The following RALGAPA1 variants were observed in gnomAD, a reference collection of about 807,000 sequenced individuals.
RALGAPA1 encodes ral GTPase-activating protein subunit alpha-1.
RALGAPA1 carries 52 observed loss-of-function variants against 269.6 expected under a neutral mutation model. The observed-to-expected ratio is 0.19, with a 90% CI of 0.15 to 0.24. RALGAPA1 has a LOEUF of 0.24. Among genes scored for constraint, RALGAPA1 ranks in the 10% least tolerant of loss-of-function variants. The pLI is 1.00. For missense variants in RALGAPA1, 1,917 were observed against 3,013.9 expected (o/e 0.64, Z 8.52); for synonymous variants, 817 against 1,008.3 (o/e 0.81, Z 3.60).
intron 16 of RALGAPA1, 80 bp downstream of exon 16, chr14:35,721,608 A>G: frequency 1.5e-6 from 2 of 1,290,780 alleles, no homozygotes; most frequent in Non-Finnish European, 2.1e-6. Flanking sequence ...GGTAAGAAAA[A>G]TTTATATTGA....
chr14:35,598,010 A>G (rs2059027647), intron 36 of RALGAPA1, among the ~76,000 whole-genome samples: 1 of 152,132 alleles, frequency 6.6e-6, no homozygotes, highest in South Asian at 2.1e-4. Flanking sequence ...GTTGGGTGGA[A>G]TATTTTACAT....
chr14:35,656,642 C>T (rs916006908), intron 28 of RALGAPA1, among the ~76,000 whole-genome samples: 8 of 152,030 alleles, frequency 5.3e-5, no homozygotes, highest in Non-Finnish European at 7.4e-5. Flanking sequence ...TGCCATGTCC[C>T]GATACTGATA....
At chr14:35,794,520 A>C (rs1317546510) in intron 1 of RALGAPA1, among the ~76,000 whole-genome samples, 3 of 152,066 alleles carry the variant, frequency 2.0e-5, no homozygotes, top group Non-Finnish European at 4.4e-5. Flanking sequence ...GCAGTGGCGC[A>C]GTCTCGGCTC....
intron 28 of RALGAPA1, among the ~76,000 whole-genome samples, chr14:35,657,638 A>G (rs2063275497): frequency 6.6e-6 from 1 of 151,472 alleles, no homozygotes; most frequent in Non-Finnish European, 1.5e-5. Context: ...CTAGACAGCT[A>G]CGTTTTAGGC....
At chr14:35,665,390 A>G (rs980206027) in intron 26 of RALGAPA1, among the ~76,000 whole-genome samples, 3 of 152,200 alleles carry the variant, frequency 2.0e-5, no homozygotes, top group African/African-American at 7.2e-5. Flanking sequence ...GCCTTCTTAC[A>G]TGCCCACCAA....
At chr14:35,668,135 G>A (rs749376067) in intron 26 of RALGAPA1, among the ~76,000 whole-genome samples, 2 of 152,062 alleles carry the variant, frequency 1.3e-5, no homozygotes, top group Non-Finnish European at 2.9e-5. Flanking sequence ...GGTTACCAGA[G>A]GCCCGGAAGC....
At chr14:35,777,053 T>C (rs190606218) in intron 1 of RALGAPA1, among the ~76,000 whole-genome samples, 73 of 152,296 alleles carry the variant, frequency 4.8e-4, no homozygotes, top group African/African-American at 1.7e-3. Context: ...CCTAGAAATA[T>C]AATGCAAGCC....
At chr14:35,717,101 T>C (rs891516161) in intron 16 of RALGAPA1, among the ~76,000 whole-genome samples, 2 of 152,204 alleles carry the variant, frequency 1.3e-5, no homozygotes, top group African/African-American at 2.4e-5. Context: ...ACTTAACCTA[T>C]AGATATACTT....
chr14:35,684,862 C>T (rs780795820), intron 20 of RALGAPA1, 67 bp downstream of exon 20: 293 of 1,483,940 alleles, frequency 2.0e-4, no homozygotes, highest in East Asian at 4.7e-4. Flanking sequence ...CTACATAATC[C>T]GTAAGTCAGT....
At chr14:35,590,634 A>C (rs1385873893) in intron 37 of RALGAPA1, among the ~76,000 whole-genome samples, 1 of 152,202 alleles carries the variant, frequency 6.6e-6, no homozygotes, top group East Asian at 1.9e-4. Context: ...AGCCCTCCCC[A>C]GCCATATGGA....
intron 10 of RALGAPA1, among the ~76,000 whole-genome samples, chr14:35,747,866 T>C (rs1431967154): frequency 1.3e-5 from 2 of 152,188 alleles, no homozygotes; most frequent in East Asian, 3.8e-4. Flanking sequence ...AGCTGTTTCA[T>C]GTGAAATAGC....
intron 39 of RALGAPA1, 76 bp from the exon 40 acceptor site, chr14:35,549,310 T>C (rs1377891137): frequency 2.8e-6 from 4 of 1,452,646 alleles, no homozygotes; most frequent in African/African-American, 2.8e-5. Context: ...AGGACTGCTA[T>C]GATTGCTAAG....
chr14:35,771,870 T>C (rs1422128800), intron 3 of RALGAPA1, among the ~76,000 whole-genome samples: 5 of 152,224 alleles, frequency 3.3e-5, no homozygotes, highest in Non-Finnish European at 7.3e-5. Context: ...ATATCACTGA[T>C]GAGTTTCAAT....
intron 37 of RALGAPA1, among the ~76,000 whole-genome samples, chr14:35,580,917 A>C (rs1481667388): frequency 1.3e-5 from 2 of 152,108 alleles, no homozygotes; most frequent in African/African-American, 4.8e-5. Flanking sequence ...TACTTCCTCC[A>C]ATATTACACT....
At chr14:35,560,663 ATG>A (rs2056125296) in intron 39 of RALGAPA1, among the ~76,000 whole-genome samples, 1 of 152,184 alleles carries the variant, frequency 6.6e-6, no homozygotes, top group South Asian at 2.1e-4. Flanking sequence ...AATTAAAACA[ATG>A]TTAACAGAAA....
At chr14:35,750,894 G>A (rs2072621628) in intron 8 of RALGAPA1, among the ~76,000 whole-genome samples, 1 of 152,088 alleles carries the variant, frequency 6.6e-6, no homozygotes, top group African/African-American at 2.4e-5. Flanking sequence ...GATGATATGT[G>A]GAAACATGTA....
chr14:35,697,772 G>GT (rs2067016670), intron 17 of RALGAPA1, among the ~76,000 whole-genome samples: 1 of 151,726 alleles, frequency 6.6e-6, no homozygotes, highest in African/African-American at 2.4e-5. Flanking sequence ...CTAAATTTAC[G>GT]TATCAGCTTG....
At chr14:35,775,135 G>T (rs999116552) in intron 2 of RALGAPA1, 80 bp from the exon 3 acceptor site, 34 of 740,072 alleles carry the variant, frequency 4.6e-5, no homozygotes, top group East Asian at 8.8e-5. Context: ...AAGAATGAAG[G>T]TTTTTTTTTT....
intron 12 of RALGAPA1, among the ~76,000 whole-genome samples, chr14:35,737,680 AC>A (rs2141108814): frequency 7.0e-6 from 1 of 142,116 alleles, no homozygotes; most frequent in African/African-American, 2.6e-5. Context: ...AATCATTTGA[AC>A]CCAGGAGGCA....
Sources: gnomAD v4.1 joint callset for allele counts (sites outside exome capture counted in the v4.1 genomes callset) on GRCh38, gnomAD v4.1.1 for gene constraint, MANE v1.5 for transcripts, NCBI Gene and HGNC (gene_info 2026-07-23, HGNC 2026-07-21) for gene names.